Variants in ZNF718 observed in about 807,000 individuals in gnomAD.
ZNF718 encodes zinc finger protein 718.
In ZNF718, 3 loss-of-function variants were observed where a neutral mutation model predicts 2.6. That is an observed-to-expected ratio of 1.16 (90% confidence interval 0.53 to 3.01). The LOEUF (loss-of-function observed/expected upper bound fraction) is 3.01. Among genes scored for constraint, ZNF718 ranks in the 30% most tolerant of loss-of-function variants. The pLI, the probability that ZNF718 is intolerant of heterozygous loss-of-function variation, is 0.03. For missense variants in ZNF718, 468 were observed against 230.0 expected, an observed-to-expected ratio of 2.03 and a Z score of -6.69; for synonymous variants, 135 against 77.9, an observed-to-expected ratio of 1.73 and a Z score of -3.86.
rs1217668328 is a variant in ZNF718 at position 152,111 on chromosome 4, G to A, written c.227-8801G>A. 4.0e-5 allele frequency among the ~76,000 whole-genome samples: 6 copies of A among 148,258 alleles called. 1 individual carries two copies. Among genetic ancestry groups the A allele is most frequent in the African/African-American group, 9.9e-5 (4 of 40,484 alleles). ...TTACAAAGCAGTATTGCTGCCCGCA[G>A]GTCCCACCTCCAGCCTTAAGGCGGT... On this transcript the variant is annotated intron_variant, in intron 3 of 3. Transcript: ENST00000510175.
intron 3 of ZNF718, among the ~76,000 whole-genome samples, chr4:169,327 G>A (rs1213624050): frequency 6.6e-6 from 1 of 152,168 alleles, no homozygotes; most frequent in African/African-American, 2.4e-5. Context: ...TGTATATTCT[G>A]TTGATTTGGG....
At chr4:197,456 A>ATT (rs2108818651) in intron 3 of ZNF718, among the ~76,000 whole-genome samples, 1 of 152,294 alleles carries the variant, frequency 6.6e-6, no homozygotes, top group African/African-American at 2.4e-5. Context: ...CTAAGAATAC[A>ATT]TTAAGACTGC....
At chr4:190,146 C>T (rs527809736) in intron 3 of ZNF718, among the ~76,000 whole-genome samples, 2 of 152,072 alleles carry the variant, frequency 1.3e-5, no homozygotes, top group African/African-American at 4.8e-5. Flanking sequence ...CTTACCTGTT[C>T]TAGGCCGGGT....
intron 3 of ZNF718, among the ~76,000 whole-genome samples, chr4:173,980 A>G (rs1717297764): frequency 6.6e-6 from 1 of 152,206 alleles, no homozygotes; most frequent in Non-Finnish European, 1.5e-5. Context: ...TTTGTGGGTA[A>G]TAAACATCGT....
intron 3 of ZNF718, among the ~76,000 whole-genome samples, chr4:154,409 G>T (rs1485300654): frequency 6.6e-6 from 1 of 152,174 alleles, no homozygotes; most frequent in Non-Finnish European, 1.5e-5. Flanking sequence ...ATGTGGGAAA[G>T]TTTGGAACTT....
At chr4:125,726 C>T (rs750419701) in intron 1 of ZNF718, among the ~76,000 whole-genome samples, 55 of 152,246 alleles carry the variant, frequency 3.6e-4, no homozygotes, top group Non-Finnish European at 7.2e-4. Context: ...CCCTTCCCCG[C>T]ATCCTGCTGC....
At chr4:154,416 A>T (rs996249656) in intron 3 of ZNF718, among the ~76,000 whole-genome samples, 1 of 152,128 alleles carries the variant, frequency 6.6e-6, no homozygotes, top group Non-Finnish European at 1.5e-5. Context: ...AAAGTTTGGA[A>T]CTTCCTGGAG....
At chr4:191,144 CTTTTT>C (rs1194078764) in intron 3 of ZNF718, among the ~76,000 whole-genome samples, 1 of 122,280 alleles carries the variant, frequency 8.2e-6, no homozygotes, top group Non-Finnish European at 1.7e-5. Flanking sequence ...AGACATAAGT[CTTTTT>C]TTTTTTTTTT....
intron 3 of ZNF718, among the ~76,000 whole-genome samples, chr4:181,769 G>A (rs1717470336): frequency 6.6e-6 from 1 of 152,074 alleles, no homozygotes; most frequent in Admixed American, 6.6e-5. Context: ...AGTCACCCAG[G>A]TATTAAGCCC....
chr4:152,155 A>T (rs1474296440), intron 3 of ZNF718, among the ~76,000 whole-genome samples: 1 of 147,972 alleles, frequency 6.8e-6, no homozygotes, highest in African/African-American at 2.5e-5. Flanking sequence ...ATCTCAGTAG[A>T]TGGAGCATAC....
Position 161,726 on chromosome 4 carries a change from CT to C in ZNF718, c.1044del (p.Phe348LeufsTer91), listed in dbSNP as rs1474239125. 1.3e-6 allele frequency: 1 copy of C among 778,954 alleles called. No individual in the cohort carries two copies. Among genetic ancestry groups the C allele is most frequent in the African/African-American group, 1.7e-5 (1 of 58,976 alleles). The allele number at this position is 778,954 out of a possible 1,614,324, so 48.3% of individuals were successfully genotyped here. On this transcript the variant is annotated frameshift_variant, in exon 4 of 4. Coordinates refer to ENST00000510175, the MANE Select transcript of ZNF718 (RefSeq NM_001039127.6). LOFTEE classifies it low-confidence loss of function (END_TRUNC). ...ACAAATGTGAAGAATGTGGAAAATCCTTTAATAGGTCCACAACTCTTACGAC... is the reference window on the plus strand; with the variant it reads ...ACAAATGTGAAGAATGTGGAAAATCCTTAATAGGTCCACAACTCTTACGAC... ...PYKCEECGKS[F>X]NRSTTLTTHK...
chr4:148,043 A>G (rs1553811734), intron 3 of ZNF718, among the ~76,000 whole-genome samples: 3 of 152,122 alleles, frequency 2.0e-5, no homozygotes, highest in Admixed American at 6.6e-5. Flanking sequence ...GAACTGATTC[A>G]TAGGGCTGCT....
intron 3 of ZNF718, among the ~76,000 whole-genome samples, chr4:156,441 C>G (rs1716570185): frequency 6.6e-6 from 1 of 152,108 alleles, no homozygotes; most frequent in Non-Finnish European, 1.5e-5. Flanking sequence ...AAGATAATTT[C>G]AAAAGCCATC....
At chr4:190,695 A>AT (rs1299989834) in intron 3 of ZNF718, among the ~76,000 whole-genome samples, 1 of 152,184 alleles carries the variant, frequency 6.6e-6, no homozygotes, top group Non-Finnish European at 1.5e-5. Flanking sequence ...AAGAAGTTAT[A>AT]TAACCACAAA....
chr4:137,021 G>A (rs1334573674), intron 3 of ZNF718, among the ~76,000 whole-genome samples: 2 of 152,112 alleles, frequency 1.3e-5, no homozygotes, highest in African/African-American at 4.8e-5. Context: ...CTTTGGTACT[G>A]TCTTTGGCAT....
chr4:181,569 T>G (rs2108813458), intron 3 of ZNF718, among the ~76,000 whole-genome samples: 1 of 152,264 alleles, frequency 6.6e-6, no homozygotes. Context: ...TCTTGGCATC[T>G]TTGACAAAAT....
Position 162,738 on chromosome 4 carries a change from A to G in ZNF718, c.*616A>G, listed in dbSNP as rs1553815895. The G allele has an allele frequency of 6.6e-6, 1 of 152,228 alleles. No homozygotes were observed. The highest frequency in any genetic ancestry group is 1.5e-5 in the Non-Finnish European group (1 of 68,030). The allele number at this position is 152,228 out of a possible 1,614,324, so 9.4% of individuals were successfully genotyped here. A position where few individuals can be genotyped will look rare whatever the true frequency, so the allele number is the denominator to read the frequency against. ...ATTAGAGAATTTATATTGGAAAGAA[A>G]TTTTACAAATGTAATAAATTTGGAA... On this transcript the variant is annotated 3_prime_UTR_variant, in exon 4 of 4. Transcript: ENST00000510175.
At chr4:172,849 A>G (rs1717267308) in intron 3 of ZNF718, among the ~76,000 whole-genome samples, 1 of 151,952 alleles carries the variant, frequency 6.6e-6, no homozygotes, top group African/African-American at 2.4e-5. Flanking sequence ...AGGTCAAGAG[A>G]TTGAGACCAT....
intron 3 of ZNF718, among the ~76,000 whole-genome samples, chr4:137,011 C>G (rs1715598674): frequency 6.6e-6 from 1 of 152,110 alleles, no homozygotes. Flanking sequence ...ACACCATCCC[C>G]TTTGGTACTG....
Sources: gnomAD v4.1 joint callset for allele counts (sites outside exome capture counted in the v4.1 genomes callset) on GRCh38, gnomAD v4.1.1 for gene constraint, MANE v1.5 for transcripts, NCBI Gene and HGNC (gene_info 2026-07-23, HGNC 2026-07-21) for gene names.